Variants in DNAJC18 observed in about 807,000 individuals in gnomAD.
The protein encoded by DNAJC18 is dnaJ homolog subfamily C member 18.
DNAJC18 carries 40 observed loss-of-function variants against 48.6 expected under a neutral mutation model. The observed-to-expected ratio is 0.82, with a 90% CI of 0.64 to 1.07. The LOEUF (loss-of-function observed/expected upper bound fraction) is 1.07, where lower values mean the gene tolerates loss of function less well. Among genes scored for constraint, DNAJC18 ranks in the 50% least tolerant of loss-of-function variants. The pLI, the probability that DNAJC18 is intolerant of heterozygous loss-of-function variation, is 0.00. For synonymous variants in DNAJC18, 135 were observed against 152.2 expected (o/e 0.89, Z 0.83); for missense variants, 340 against 427.7 (o/e 0.79, Z 1.81).
chr5:139,437,506 CT>C lies in DNAJC18; in HGVS notation c.92del (p.Glu31GlyfsTer12). On this transcript the variant is annotated frameshift_variant, in exon 2 of 8. Transcript: ENST00000302060. LOFTEE classifies it high-confidence loss of function. ...RNKYPEDTPP[E>X]SHDPCGCCNC... ...TACAGCAGCCACAGGGGTCATGACTCTCAGGAGGTGTGTCTTCTGGGTATTT... is the reference window on the plus strand; with the variant it reads ...TACAGCAGCCACAGGGGTCATGACTCCAGGAGGTGTGTCTTCTGGGTATTT... 1 of 1,614,028 alleles carries C rather than the reference CT, an allele frequency of 6.2e-7. No homozygotes were observed. Among genetic ancestry groups the C allele is most frequent in the Non-Finnish European group, 8.5e-7 (1 of 1,179,986 alleles).
At chr5:139,431,760 T>G (rs892920571) in intron 2 of DNAJC18, among the ~76,000 whole-genome samples, 1 of 152,224 alleles carries the variant, frequency 6.6e-6, no homozygotes, top group Non-Finnish European at 1.5e-5. Flanking sequence ...CTTCTGAACC[T>G]TAAGAGGAAT....
At chr5:139,433,683 T>C (rs1759366148) in intron 2 of DNAJC18, among the ~76,000 whole-genome samples, 1 of 152,212 alleles carries the variant, frequency 6.6e-6, no homozygotes, top group African/African-American at 2.4e-5. Context: ...CCTGTATGTT[T>C]ACATTTTTCT....
At chr5:139,434,520 G>A (rs904991879) in intron 2 of DNAJC18, among the ~76,000 whole-genome samples, 14 of 151,976 alleles carry the variant, frequency 9.2e-5, no homozygotes, top group South Asian at 4.1e-4. Context: ...ACAGGGCCTC[G>A]CTATGTCGCT....
At chr5:139,430,586 C>CT (rs70982778) in intron 2 of DNAJC18, among the ~76,000 whole-genome samples, 2,223 of 145,816 alleles carry the variant, frequency 0.015, 39 homozygotes, top group East Asian at 0.039. Context: ...ATATCTACCT[C>CT]TTTTTTTTTT....
chr5:139,437,151 C>T (rs759213156), intron 2 of DNAJC18, among the ~76,000 whole-genome samples: 16 of 152,106 alleles, frequency 1.1e-4, no homozygotes, highest in Non-Finnish European at 2.2e-4. Flanking sequence ...TGTGTCTAGT[C>T]GGTTTCTGCT....
chr5:139,421,313 G>A (rs187102303), intron 6 of DNAJC18, among the ~76,000 whole-genome samples: 43 of 152,266 alleles, frequency 2.8e-4, no homozygotes, highest in African/African-American at 9.9e-4. Flanking sequence ...GCCAGGTGTG[G>A]TGGCACATGC....
chr5:139,428,428 G>T (rs1581419466), intron 3 of DNAJC18, 110 bp downstream of exon 3: 1 of 1,416,498 alleles, frequency 7.1e-7, no homozygotes, highest in Non-Finnish European at 9.5e-7. Flanking sequence ...TGTGGCAGGG[G>T]GAAAAAACCC....
Position 139,410,889 on chromosome 5 carries a change from C to T in DNAJC18, c.*3259G>A, listed in dbSNP as rs941628853. 2.6e-5 allele frequency: 4 copies of T among 152,138 alleles called. No homozygotes were observed. The highest frequency in any genetic ancestry group is 7.2e-5 in the African/African-American group (3 of 41,384). 9.4% of individuals were successfully genotyped at this position (152,138 alleles called of 1,614,324 possible). A position where few individuals can be genotyped will look rare whatever the true frequency, so the allele number is the denominator to read the frequency against. On this transcript the variant is annotated 3_prime_UTR_variant, in exon 8 of 8. Coordinates refer to ENST00000302060, the MANE Select transcript of DNAJC18 (RefSeq NM_152686.4). ...GCTCAAGAGATTCTTCTGCCTCAGC[C>T]TCCTGAGGAGCTGGGATTACAGACA...
At chr5:139,430,913 A>G (rs1200567697) in intron 2 of DNAJC18, among the ~76,000 whole-genome samples, 2 of 152,190 alleles carry the variant, frequency 1.3e-5, no homozygotes, top group African/African-American at 4.8e-5. Context: ...GCATTGTATC[A>G]ATGTATAATA....
rs757475729 is a variant in DNAJC18 at position 139,414,236 on chromosome 5, T to C, written c.989A>G (p.Asp330Gly). 6.2e-7 allele frequency: 1 copy of C among 1,614,184 alleles called. No homozygotes were observed. Among genetic ancestry groups the C allele is most frequent in the Non-Finnish European group, 8.5e-7 (1 of 1,180,034 alleles). The change falls in exon 8 of 8, where the codon GAT (aspartate) becomes GGT (glycine). Residue 330 changes from aspartate to glycine, a missense_variant. By Grantham distance (94) the Asp-to-Gly change is moderately conservative. Transcript: ENST00000302060. Reference protein sequence around the residue: ...ELTNLAGLYRDERLKQKAESL... With the variant: ...ELTNLAGLYRGERLKQKAESL... ...CTCTGCTTTCTGTTTCAATCGTTCA[T>C]CTCTGTATAATCCTGCCAAATTTGT...
intron 2 of DNAJC18, among the ~76,000 whole-genome samples, chr5:139,435,411 G>A (rs1009980083): frequency 6.6e-6 from 1 of 152,040 alleles, no homozygotes; most frequent in South Asian, 2.1e-4. Context: ...TGAAATGATC[G>A]TGTGATTTTT....
chr5:139,434,525 G>A (rs1334689960), intron 2 of DNAJC18, among the ~76,000 whole-genome samples: 1 of 152,070 alleles, frequency 6.6e-6, no homozygotes. Flanking sequence ...GCCTCGCTAT[G>A]TCGCTCAGGC....
intron 7 of DNAJC18, among the ~76,000 whole-genome samples, chr5:139,418,514 T>C (rs1177784145): frequency 2.0e-5 from 3 of 152,192 alleles, no homozygotes; most frequent in Non-Finnish European, 4.4e-5. Context: ...TCTTGTAAAA[T>C]CTAGTTTAGC....
intron 2 of DNAJC18, among the ~76,000 whole-genome samples, chr5:139,429,209 G>A (rs927264468): frequency 1.3e-5 from 2 of 148,974 alleles, no homozygotes; most frequent in African/African-American, 5.0e-5. Context: ...TCAGCCTCCC[G>A]AGTAGCTGAG....
chr5:139,425,119 A>G lies in DNAJC18; in HGVS notation c.560-5T>C. The G allele has an allele frequency of 6.2e-7, 1 of 1,607,772 alleles. No individual in the cohort carries two copies. The highest frequency in any genetic ancestry group is 8.5e-7 in the Non-Finnish European group (1 of 1,175,148). On this transcript the variant is annotated splice_region_variant and splice_polypyrimidine_tract_variant and intron_variant, in intron 4 of 7. Coordinates refer to ENST00000302060, the MANE Select transcript of DNAJC18 (RefSeq NM_152686.4). The stretch of plus-strand genomic sequence containing the variant: ...TTGAAAACATATGAATATTTCCTGG[A>G]AAAGAAATACATGGTATGGGATATG...
At chr5:139,430,361 C>T (rs1033026054) in intron 2 of DNAJC18, among the ~76,000 whole-genome samples, 1 of 152,204 alleles carries the variant, frequency 6.6e-6, no homozygotes, top group Non-Finnish European at 1.5e-5. Flanking sequence ...GTTCCCCAAC[C>T]ACCCTTTGAG....
At chr5:139,428,798 A>G in intron 2 of DNAJC18, 115 bp from the exon 3 acceptor site, 1 of 1,245,498 alleles carries the variant, frequency 8.0e-7, no homozygotes, top group South Asian at 1.5e-5. Context: ...CCTATAAGAA[A>G]ATTAGTGCAC....
In DNAJC18 at chr5:139,411,377, A is replaced by G. The variant is rs914898001; in HGVS notation, c.*2771T>C. On this transcript the variant is annotated 3_prime_UTR_variant, in exon 8 of 8. Coordinates refer to ENST00000302060, the MANE Select transcript of DNAJC18 (RefSeq NM_152686.4). Reference sequence around the variant, plus strand: ...TATTTCTGAGCGCTGCTCCTCTCACACACGTCTCCAATCTGCAGTAATGCT... The same window carrying G: ...TATTTCTGAGCGCTGCTCCTCTCACGCACGTCTCCAATCTGCAGTAATGCT... 3 of 152,338 alleles carry G rather than the reference A, an allele frequency of 2.0e-5. No individual in the cohort carries two copies. The East Asian group carries it at 5.8e-4, about 29-fold the overall frequency. The allele number at this position is 152,338 out of a possible 1,614,324, so 9.4% of individuals were successfully genotyped here.
In DNAJC18 at chr5:139,414,118, A is replaced by G; in HGVS notation, c.*30T>C. On this transcript the variant is annotated 3_prime_UTR_variant, in exon 8 of 8. Coordinates refer to ENST00000302060, the MANE Select transcript of DNAJC18 (RefSeq NM_152686.4). ...AACATAAATAGGAACAAGTAGCAAA[A>G]CCCCAGCCCTGCGTAGGACCATTAT... 1.3e-6 allele frequency: 2 copies of G among 1,587,518 alleles called. No individual in the cohort carries two copies. Among genetic ancestry groups the G allele is most frequent in the Non-Finnish European group, 1.7e-6 (2 of 1,170,898 alleles).
Sources: gnomAD v4.1 joint callset for allele counts (sites outside exome capture counted in the v4.1 genomes callset) on GRCh38, gnomAD v4.1.1 for gene constraint, MANE v1.5 for transcripts, NCBI Gene and HGNC (gene_info 2026-07-23, HGNC 2026-07-21) for gene names.